MEGF11: variants seen among roughly 807,000 people sequenced by gnomAD.
The protein encoded by MEGF11 is multiple epidermal growth factor-like domains protein 11.
Under a neutral mutation model 146.6 loss-of-function variants are expected in MEGF11, and 126 were observed. The observed-to-expected ratio is 0.86, with a 90% CI of 0.74 to 1.00. The LOEUF (loss-of-function observed/expected upper bound fraction) is 1.00. Among genes scored for constraint, MEGF11 ranks in the 50% least tolerant of loss-of-function variants. The pLI is 0.00. For missense variants in MEGF11, 1,509 were observed against 1,521.2 expected, an observed-to-expected ratio of 0.99 and a Z score of 0.13; for synonymous variants, 532 against 583.4, an observed-to-expected ratio of 0.91 and a Z score of 1.27.
intron 10 of MEGF11, among the ~76,000 whole-genome samples, chr15:65,937,027 C>T (rs1341422721): frequency 6.6e-6 from 1 of 152,174 alleles, no homozygotes; most frequent in Non-Finnish European, 1.5e-5. Flanking sequence ...CCCAGTTGGC[C>T]TCTAGAGTAT....
intron 10 of MEGF11, among the ~76,000 whole-genome samples, chr15:65,947,433 A>G (rs2080240215): frequency 6.6e-6 from 1 of 152,164 alleles, no homozygotes; most frequent in Non-Finnish European, 1.5e-5. Flanking sequence ...GCTGGTGTAA[A>G]GCTCCAATGA....
At chr15:65,950,130 C>T (rs2080344509) in intron 10 of MEGF11, among the ~76,000 whole-genome samples, 1 of 151,870 alleles carries the variant, frequency 6.6e-6, no homozygotes, top group South Asian at 2.1e-4. Context: ...ATAACAACAG[C>T]AGCAGCAGTA....
chr15:66,102,383 G>C (rs36178748), intron 4 of MEGF11, among the ~76,000 whole-genome samples: 1 of 122,860 alleles, frequency 8.1e-6, no homozygotes, highest in African/African-American at 3.0e-5. Flanking sequence ...TGAAGACTAG[G>C]AGCTTGGCAA....
At chr15:65,986,792 C>CTTTTTTT (rs1491353062) in intron 5 of MEGF11, among the ~76,000 whole-genome samples, 6 of 134,018 alleles carry the variant, frequency 4.5e-5, no homozygotes, top group African/African-American at 1.4e-4. Context: ...GCTGATTTTT[C>CTTTTTTT]CTTTTTTTTT....
At chr15:66,078,639 G>C (rs2085697608) in intron 5 of MEGF11, among the ~76,000 whole-genome samples, 1 of 152,164 alleles carries the variant, frequency 6.6e-6, no homozygotes, top group Non-Finnish European at 1.5e-5. Context: ...TGCAGTTCGT[G>C]AGTCCCCTCC....
intron 4 of MEGF11, among the ~76,000 whole-genome samples, chr15:66,113,806 G>C (rs1460306336): frequency 6.6e-6 from 1 of 152,078 alleles, no homozygotes; most frequent in Non-Finnish European, 1.5e-5. Context: ...GTGTGAACCC[G>C]GGAGGCGGAG....
At chr15:66,145,280 T>C (rs2089323267) in intron 1 of MEGF11, among the ~76,000 whole-genome samples, 1 of 151,892 alleles carries the variant, frequency 6.6e-6, no homozygotes, top group South Asian at 2.1e-4. Flanking sequence ...TCATTAGAAA[T>C]ATGCTAATGG....
At chr15:66,245,828 C>A (rs982064965) in intron 1 of MEGF11, among the ~76,000 whole-genome samples, 1 of 152,136 alleles carries the variant, frequency 6.6e-6, no homozygotes, top group Admixed American at 6.5e-5. Flanking sequence ...AGACACATGT[C>A]CCCCCATACA....
intron 5 of MEGF11, among the ~76,000 whole-genome samples, chr15:66,074,476 G>A (rs2085495977): frequency 6.6e-6 from 1 of 152,254 alleles, no homozygotes; most frequent in African/African-American, 2.4e-5. Flanking sequence ...TGCGCCTGTT[G>A]GAGAGGCTCT....
chr15:65,955,771 T>TATAG (rs1368724558), intron 10 of MEGF11, among the ~76,000 whole-genome samples: 1 of 6,780 alleles, frequency 1.5e-4, no homozygotes, highest in African/African-American at 2.4e-4. Context: ...AATATATATA[T>TATAG]ATATATATAT....
At chr15:66,125,366 G>A (rs1433326263) in intron 2 of MEGF11, among the ~76,000 whole-genome samples, 2 of 152,228 alleles carry the variant, frequency 1.3e-5, no homozygotes, top group Non-Finnish European at 2.9e-5. Flanking sequence ...TCCTCTTCCA[G>A]CTCTGGGATC....
intron 5 of MEGF11, among the ~76,000 whole-genome samples, chr15:66,029,130 T>C (rs753277004): frequency 1.3e-5 from 2 of 151,668 alleles, no homozygotes; most frequent in African/African-American, 2.4e-5. Context: ...CTTAGAGAAG[T>C]GTGGCCAGGC....
intron 1 of MEGF11, among the ~76,000 whole-genome samples, chr15:66,243,853 A>G (rs1024389393): frequency 2.6e-5 from 4 of 152,102 alleles, no homozygotes; most frequent in African/African-American, 2.4e-5. Flanking sequence ...AGTCACCTCT[A>G]CCGACCTGCA....
At chr15:66,059,628 G>A (rs1308717170) in intron 5 of MEGF11, among the ~76,000 whole-genome samples, 1 of 149,392 alleles carries the variant, frequency 6.7e-6, no homozygotes. Context: ...AGTTGCCCCA[G>A]GTTCTTAAAT....
At chr15:66,215,012 A>G (rs1346983017) in intron 1 of MEGF11, among the ~76,000 whole-genome samples, 1 of 152,146 alleles carries the variant, frequency 6.6e-6, no homozygotes, top group African/African-American at 2.4e-5. Context: ...GCAGAAGCAC[A>G]TGGAATGCAC....
At chr15:66,103,863 C>T (rs2086940334) in intron 4 of MEGF11, among the ~76,000 whole-genome samples, 1 of 152,158 alleles carries the variant, frequency 6.6e-6, no homozygotes, top group Non-Finnish European at 1.5e-5. Flanking sequence ...CAGCACAGAC[C>T]CCCAGCCAGA....
chr15:66,135,044 G>T (rs1226058371), intron 1 of MEGF11, among the ~76,000 whole-genome samples: 1 of 152,200 alleles, frequency 6.6e-6, no homozygotes, highest in East Asian at 1.9e-4. Flanking sequence ...CTGCTCCAGG[G>T]CTGAGTGTTT....
rs761644531 is a variant in MEGF11, at chr15:65,897,939, A to G, written c.3418T>C (p.Ser1140Pro). 1.1e-5 allele frequency: 17 copies of G among 1,613,654 alleles called. No homozygotes were observed. Among genetic ancestry groups the G allele is most frequent in the Non-Finnish European group, 1.3e-5 (15 of 1,179,736 alleles). Residue 1140 changes from serine to proline, a missense_variant, in exon 26 of 26, where the codon TCT (serine) becomes CCT (proline). Coordinates refer to ENST00000395614, the MANE Select transcript of MEGF11 (RefSeq NM_001385028.1). ...PANGPSQDKQ[S>P] ...AAGAGAGAAGCTTATCCCTCTTAAG[A>G]TTGCTTGTCCTGGGACGGCCCATTG...
In MEGF11 at chr15:66,054,847, C is replaced by T. The variant is rs574757867; in HGVS notation, c.394+39555G>A. Among the ~76,000 whole-genome samples, 49 of 150,546 alleles carry T rather than the reference C, an allele frequency of 3.3e-4. No individual in the cohort carries two copies. The East Asian group carries it at 3.3e-3, about 10-fold the overall frequency. On this transcript the variant is annotated intron_variant, in intron 5 of 25. Transcript: ENST00000395614. ...GTAAAGGGAAGATTAAAGGTGGAAA[C>T]GAAGGAAAGAGAGGGAGGGATAGTA... is the stretch of plus-strand genomic sequence containing the variant.
Sources: gnomAD v4.1 joint callset for allele counts (sites outside exome capture counted in the v4.1 genomes callset) on GRCh38, gnomAD v4.1.1 for gene constraint, MANE v1.5 for transcripts, NCBI Gene and HGNC (gene_info 2026-07-23, HGNC 2026-07-21) for gene names.